The following C14orf180 variants were observed in gnomAD, a reference collection of about 807,000 sequenced individuals.
C14orf180 encodes chromosome 14 open reading frame 180.
Under a neutral mutation model 13.9 loss-of-function variants are expected in C14orf180, and 13 were observed. That is an observed-to-expected ratio of 0.94 (90% CI 0.61 to 1.49). C14orf180 has a LOEUF of 1.49. Among genes scored for constraint, C14orf180 ranks in the 40% most tolerant of loss-of-function variants. The pLI is 0.00. For missense variants in C14orf180, 238 were observed against 232.0 expected (o/e 1.03, Z -0.17); for synonymous variants, 113 against 106.3 (o/e 1.06, Z -0.39).
At position 104,587,932 on chromosome 14, in the gene C14orf180, A is replaced by T. The variant is rs1023742718; in HGVS notation, c.241+54A>T. The T allele has an allele frequency of 9.0e-6, 14 of 1,551,904 alleles. No individual in the cohort carries two copies. In the East Asian group the frequency reaches 9.3e-5, roughly 10 times the overall value. ...GGAGAGGGTGGAGTCAAGCAGAGGG[A>T]GGCGGGGACACCGGCCACACCCACA... On this transcript the variant is annotated intron_variant, in intron 3 of 4. Coordinates refer to ENST00000557649, the MANE Select transcript of C14orf180 (RefSeq NM_001008404.3).
intron 1 of C14orf180, among the ~76,000 whole-genome samples, chr14:104,581,939 G>A (rs1455930031): frequency 2.0e-5 from 3 of 151,968 alleles, no homozygotes; most frequent in South Asian, 4.2e-4. Flanking sequence ...GTGTGGGGCC[G>A]CACGCTCAGA....
In C14orf180 at chr14:104,588,717, C is replaced by T; in HGVS notation, c.417C>T (p.Leu139=). The change falls in exon 5 of 5, where the codon CTC becomes CTT. Residue 139 remains leucine, a synonymous_variant. Coordinates refer to ENST00000557649, the MANE Select transcript of C14orf180 (RefSeq NM_001008404.3). ...CACTGGAGGACCTGCGGGCCCGGCT[C>T]CTCGGCCTTGTCCTGCACCTGCGGC... The part of the protein sequence containing the change: ...ATALEDLRAR[L]LGLVLHLRHV... 6.5e-7 allele frequency: 1 copy of T among 1,535,736 alleles called. No homozygotes were observed. The highest frequency in any genetic ancestry group is 8.7e-7 in the Non-Finnish European group (1 of 1,146,358).
intron 4 of C14orf180, 68 bp from the exon 5 acceptor site, chr14:104,588,510 A>G: frequency 1.4e-6 from 2 of 1,438,158 alleles, no homozygotes. Context: ...TCCCTTCCCC[A>G]CCAGCCCCAG....
chr14:104,583,481 G>A (rs1301361122), intron 1 of C14orf180, among the ~76,000 whole-genome samples: 11 of 152,204 alleles, frequency 7.2e-5, no homozygotes, highest in Non-Finnish European at 1.5e-4. Context: ...AGCCCGCAGA[G>A]GCTGCTGCTC....
At chr14:104,580,506 G>A (rs1217552879) in intron 1 of C14orf180, among the ~76,000 whole-genome samples, 2 of 152,228 alleles carry the variant, frequency 1.3e-5, no homozygotes, top group Admixed American at 6.5e-5. Flanking sequence ...GCAGGCAGCC[G>A]TGCCAGGCAT....
At chr14:104,587,680 T>C (rs949659391) in intron 2 of C14orf180, 69 bp from the exon 3 acceptor site, 1 of 1,549,396 alleles carries the variant, frequency 6.5e-7, no homozygotes, top group South Asian at 1.2e-5. Context: ...GGGCCCCACA[T>C]GGCTCAGACC....
intron 4 of C14orf180, 53 bp downstream of exon 4, chr14:104,588,362 C>T (rs774538243): frequency 1.2e-6 from 2 of 1,605,544 alleles, no homozygotes; most frequent in Non-Finnish European, 1.7e-6. Flanking sequence ...GTGGGTGCAC[C>T]CACCCTCACT....
rs1257062939 is a variant in C14orf180 at position 104,586,514 on chromosome 14, G to C, written c.84G>C (p.Trp28Cys). 10 of 1,545,810 alleles carry C rather than the reference G, an allele frequency of 6.5e-6. No homozygotes were observed. Among genetic ancestry groups the C allele is most frequent in the Non-Finnish European group, 8.7e-6 (10 of 1,145,284 alleles). ...RQTRKNEEAA[W>C]GPRVCRAERE... ...CCAGAAAGAATGAGGAGGCCGCGTG[G>C]GGCCCGCGGGTGTGCAGGGCAGAGA... The change falls in exon 2 of 5, where the codon TGG (tryptophan) becomes TGC (cysteine). Residue 28 changes from tryptophan to cysteine, a missense_variant. Transcript: ENST00000557649.
Position 104,590,289 on chromosome 14 carries a change from T to C in C14orf180, c.*1506T>C, listed in dbSNP as rs987427594. ...GGAGGATGGGCAGGTTCCTGCCCCA[T>C]ATTCTGGATGCAGAAGCAGCGGCTC... On this transcript the variant is annotated 3_prime_UTR_variant, in exon 5 of 5. Transcript: ENST00000557649. The C allele has an allele frequency of 7.7e-6, 1 of 129,722 alleles. No homozygotes were observed. The highest frequency in any genetic ancestry group is 2.9e-5 in the African/African-American group (1 of 34,316). 8.0% of individuals were successfully genotyped at this position (129,722 alleles called of 1,614,324 possible). A position where few individuals can be genotyped will look rare whatever the true frequency, so the allele number is the denominator to read the frequency against.
intron 1 of C14orf180, among the ~76,000 whole-genome samples, chr14:104,584,603 A>C (rs1390894334): frequency 6.6e-6 from 1 of 152,104 alleles, no homozygotes; most frequent in Non-Finnish European, 1.5e-5. Context: ...CCCACATTCC[A>C]GGTGACCTGG....
intron 1 of C14orf180, among the ~76,000 whole-genome samples, chr14:104,582,469 A>T (rs924965134): frequency 6.6e-6 from 1 of 152,150 alleles, no homozygotes; most frequent in Non-Finnish European, 1.5e-5. Context: ...TTGGAGGGTC[A>T]CACCCCAGAC....
At chr14:104,583,226 C>G (rs1886499735) in intron 1 of C14orf180, among the ~76,000 whole-genome samples, 4 of 152,182 alleles carry the variant, frequency 2.6e-5, no homozygotes. Context: ...GACCTCAGGG[C>G]TCAGGGAGGC....
Position 104,586,445 on chromosome 14 carries a change from A to G in C14orf180, c.15A>G (p.Ala5=). ...TGTTCCAGTAAATGAGGACTGCAGC[A>G]GGAGCCGTGAGCCCTGACTCCCGGC... The part of the protein sequence containing the change: MRTA[A]GAVSPDSRPE... Residue 5 remains alanine (A), a synonymous_variant, in exon 2 of 5, where the codon GCA becomes GCG. Coordinates refer to ENST00000557649, the MANE Select transcript of C14orf180 (RefSeq NM_001008404.3). 6.5e-7 allele frequency: 1 copy of G among 1,537,726 alleles called. No individual in the cohort carries two copies.
chr14:104,583,075 G>A (rs1366028432), intron 1 of C14orf180, among the ~76,000 whole-genome samples: 2 of 152,254 alleles, frequency 1.3e-5, no homozygotes, highest in Non-Finnish European at 2.9e-5. Flanking sequence ...GTTAGGGAGG[G>A]GATGGCAGGG....
rs112399099 is a variant in C14orf180, at chr14:104,587,792, G to A, written c.155G>A (p.Arg52Gln). Residue 52 changes from arginine to glutamine, a missense_variant, in exon 3 of 5, where the codon CGG becomes CAG. Physicochemically the swap from Arg to Gln is conservative, Grantham distance 43 (BLOSUM62 1). Coordinates refer to ENST00000557649, the MANE Select transcript of C14orf180 (RefSeq NM_001008404.3). ...CCCCCCTCCATCCTGAAACGGAGCCGGCCGGAGCACCACCGCCCAGAGGCC... is the reference window on the plus strand; with the variant it reads ...CCCCCCTCCATCCTGAAACGGAGCCAGCCGGAGCACCACCGCCCAGAGGCC... Reference protein sequence around the residue: ...KCPPSILKRSRPEHHRPEAKP... With the variant: ...KCPPSILKRSQPEHHRPEAKP... 3.7e-5 allele frequency: 59 copies of A among 1,612,626 alleles called. No individual in the cohort carries two copies. The highest frequency in any genetic ancestry group is 1.6e-4 in the African/African-American group (12 of 75,002).
chr14:104,585,302 C>T (rs1886578859), intron 1 of C14orf180, among the ~76,000 whole-genome samples: 1 of 152,218 alleles, frequency 6.6e-6, no homozygotes, highest in Non-Finnish European at 1.5e-5. Context: ...GAAGCCCCAG[C>T]CCCCTCTGGC....
chr14:104,589,191 G>T lies in C14orf180; in HGVS notation c.*408G>T. 1 of 349,870 alleles carries T rather than the reference G, an allele frequency of 2.9e-6. No homozygotes were observed. The highest frequency in any genetic ancestry group is 5.1e-6 in the Non-Finnish European group (1 of 195,590). 21.7% of individuals were successfully genotyped at this position (349,870 alleles called of 1,614,324 possible). ...GGGGGACACACTGCCCGTGTTCAAG[G>T]GGCTGCTCGGAGGAGGCAAACCCAG... On this transcript the variant is annotated 3_prime_UTR_variant, in exon 5 of 5. Coordinates refer to ENST00000557649, the MANE Select transcript of C14orf180 (RefSeq NM_001008404.3). The surrounding 1 kb of genome is among the most constrained non-coding windows in gnomAD (Gnocchi z 4.9).
rs374328022 is a variant in C14orf180 at position 104,587,298 on chromosome 14, G to A, written c.112-451G>A. ...TGCAGCCTGGGAGGCTCGGCCCCAG[G>A]GAAAAGGAGGCCGAGGCCACCAACC... is the stretch of plus-strand genomic sequence containing the variant. On this transcript the variant is annotated intron_variant, in intron 2 of 4. Transcript: ENST00000557649. Among the ~76,000 whole-genome samples the A allele has an allele frequency of 2.4e-4, 37 of 152,188 alleles. No individual in the cohort carries two copies. The South Asian group carries it at 7.1e-3, about 29-fold the overall frequency.
chr14:104,588,534 G>A lies in C14orf180; in HGVS notation c.278-44G>A, dbSNP rs557641271. ...CACCAGCCCCAGTCCTCCAGGGAAGGGTCGCGCTGGCTGGCGCTGACCCTG... is the reference window on the plus strand; with the variant it reads ...CACCAGCCCCAGTCCTCCAGGGAAGAGTCGCGCTGGCTGGCGCTGACCCTG... On this transcript the variant is annotated intron_variant, in intron 4 of 4. Transcript: ENST00000557649. 80 of 1,444,224 alleles carry A rather than the reference G, an allele frequency of 5.5e-5. 2 individuals carry two copies. The South Asian group carries it at 1.0e-3, about 18-fold the overall frequency. 89.5% of individuals were successfully genotyped at this position (1,444,224 alleles called of 1,614,324 possible). A position where few individuals can be genotyped will look rare whatever the true frequency, so the allele number is the denominator to read the frequency against.
Sources: gnomAD v4.1 joint callset for allele counts (sites outside exome capture counted in the v4.1 genomes callset) on GRCh38, gnomAD v4.1.1 for gene constraint, Gnocchi (gnomAD v3.1) non-coding constraint, MANE v1.5 for transcripts, NCBI Gene and HGNC (gene_info 2026-07-23, HGNC 2026-07-21) for gene names.